The following NBPF26 variants were observed in gnomAD, a reference collection of about 807,000 sequenced individuals.
NBPF26 encodes the protein NBPF family member NBPF26.
A neutral mutation model predicts 119.6 loss-of-function variants in NBPF26; 79 were observed. The observed-to-expected ratio is 0.66, with a 90% CI of 0.55 to 0.80. NBPF26 has a LOEUF of 0.80. Among genes scored for constraint, NBPF26 ranks in the 30% least tolerant of loss-of-function variants. The pLI, the probability that NBPF26 is intolerant of heterozygous loss-of-function variation, is 0.00. For synonymous variants in NBPF26, 299 were observed against 457.7 expected (o/e 0.65, Z 4.43); for missense variants, 800 against 1,198.2 (o/e 0.67, Z 4.91).
intron 1 of NBPF26, among the ~76,000 whole-genome samples, chr1:120,752,550 ATATATTTTT>A (rs1281607915): frequency 4.1e-4 from 4 of 9,860 alleles, no homozygotes; most frequent in East Asian, 4.5e-3. Flanking sequence ...ATATATATAT[ATATATTTTT>A]TTTTTTTTTT....
intron 6 of NBPF26, among the ~76,000 whole-genome samples, chr1:120,808,143 A>G (rs1165276330): frequency 3.8e-5 from 4 of 104,798 alleles, no homozygotes; most frequent in African/African-American, 1.9e-4. Context: ...CATCTTTTCA[A>G]TTCGCCCCAT....
At position 120,793,321 on chromosome 1, in the gene NBPF26, C is replaced by A. The variant is rs1388479336; in HGVS notation, c.576C>A (p.Cys192Ter). The A allele has an allele frequency of 5.7e-6, 8 of 1,405,582 alleles. 1 individual carries two copies. Among genetic ancestry groups the A allele is most frequent in the Non-Finnish European group, 7.6e-6 (8 of 1,047,618 alleles). The allele number at this position is 1,405,582 out of a possible 1,614,324, so 87.1% of individuals were successfully genotyped here. A position where few individuals can be genotyped will look rare whatever the true frequency, so the allele number is the denominator to read the frequency against. ...ATGAGTGTGACATTCCAGGACACTG[C>A]CAGCATGGTGGCACCTGCCTCAACC... Residue 192 changes from cysteine to a stop codon, truncating the protein, a stop_gained, in exon 4 of 30, where the codon TGC (cysteine) becomes TGA (stop). Transcript: ENST00000620612. LOFTEE classifies it high-confidence loss of function.
At chr1:120,824,096 C>G in exon 18 of NBPF26, 1 of 465,632 alleles carries the variant, frequency 2.1e-6, no homozygotes. Context: ...TACAGAAGTG[C>G]CTTTTACGTA....
At position 120,811,311 on chromosome 1, in the gene NBPF26, C is replaced by A. The variant is rs1162039921; in HGVS notation, c.1565-575C>A. 1.8e-5 allele frequency among the ~76,000 whole-genome samples: 2 copies of A among 109,368 alleles called. 1 individual carries two copies. The highest frequency in any genetic ancestry group is 3.5e-5 in the Non-Finnish European group (2 of 56,736). 71.7% of individuals were successfully genotyped at this position (109,368 alleles called of 152,430 possible). A position where few individuals can be genotyped will look rare whatever the true frequency, so the allele number is the denominator to read the frequency against. ...TCTTAATCCCAACACTTTGGGAGGC[C>A]GAGGTGGGCGGAACACCTGAGCTCA... On this transcript the variant is annotated intron_variant, in intron 9 of 29. Coordinates refer to ENST00000620612, the Ensembl canonical transcript of NBPF26.
chr1:120,815,195 A>G (rs1553271608), intron 12 of NBPF26, 152 bp downstream of exon 12: 384,599 of 567,270 alleles, frequency 0.68, 168,461 homozygotes, highest in African/African-American at 0.89. Flanking sequence ...GGGTAAGAAC[A>G]GAGATGGGAA....
rs1650789613 is a variant in NBPF26, at chr1:120,724,282, G to T, written c.73+32G>T. On this transcript the variant is annotated intron_variant, in intron 1 of 29. Transcript: ENST00000620612. ...ATCGGGCTGAGGGGCGCTGTCCGCGGCGCCCGGGGCTGCCACCTGGGGCGA... is the reference window on the plus strand; with the variant it reads ...ATCGGGCTGAGGGGCGCTGTCCGCGTCGCCCGGGGCTGCCACCTGGGGCGA... 1.7e-5 allele frequency: 23 copies of T among 1,375,886 alleles called. 3 individuals are homozygous for T. The Middle Eastern group carries it at 1.2e-3, about 72-fold the overall frequency. The allele number at this position is 1,375,886 out of a possible 1,614,324, so 85.2% of individuals were successfully genotyped here. A position where few individuals can be genotyped will look rare whatever the true frequency, so the allele number is the denominator to read the frequency against.
rs2101528548 is a variant in NBPF26 at position 120,819,007 on chromosome 1, G to A, written c.2423+833G>A. Among the ~76,000 whole-genome samples, 2 of 113,568 alleles carry A rather than the reference G, an allele frequency of 1.8e-5. 1 individual carries two copies. The highest frequency in any genetic ancestry group is 3.5e-5 in the Non-Finnish European group (2 of 57,274). 74.5% of individuals were successfully genotyped at this position (113,568 alleles called of 152,430 possible). ...ATGTCTTTTAGGTCTGCTTGGTGGAGAGCTGAGTTCAAGTCCTGGATATCC... is the reference window on the plus strand; with the variant it reads ...ATGTCTTTTAGGTCTGCTTGGTGGAAAGCTGAGTTCAAGTCCTGGATATCC... On this transcript the variant is annotated intron_variant, in intron 15 of 29. Coordinates refer to ENST00000620612, the Ensembl canonical transcript of NBPF26.
chr1:120,823,815 C>G (rs1445208872), intron 17 of NBPF26, among the ~76,000 whole-genome samples, 159 bp from the exon 18 acceptor site: 3 of 108,394 alleles, frequency 2.8e-5, no homozygotes, highest in African/African-American at 1.1e-4. Context: ...CTACCTGGCC[C>G]TGTTCTATCC....
Position 120,793,393 on chromosome 1 carries a change from G to A in NBPF26, c.648G>A (p.Gln216=), listed in dbSNP as rs1482945541. The change falls in exon 4 of 30, where the codon CAG becomes CAA. Residue 216 remains glutamine (Q), a synonymous_variant. Coordinates refer to ENST00000620612, the Ensembl canonical transcript of NBPF26. ...AGTGCCTTCAGGGCTTCACAGGCCAGTACTGTGACAGACTGTATGTGCCCT... is the reference window on the plus strand; with the variant it reads ...AGTGCCTTCAGGGCTTCACAGGCCAATACTGTGACAGACTGTATGTGCCCT... 3.0e-5 allele frequency: 43 copies of A among 1,439,286 alleles called. 10 individuals carry two copies. The highest frequency in any genetic ancestry group is 7.8e-5 in the Admixed American group (4 of 51,206). The allele number at this position is 1,439,286 out of a possible 1,614,324, so 89.2% of individuals were successfully genotyped here.
chr1:120,789,983 T>C lies in NBPF26; in HGVS notation c.416-3178T>C, dbSNP rs1197030192. On this transcript the variant is annotated intron_variant, in intron 3 of 29. Transcript: ENST00000620612. ...CTTGTTGTTAAGAAGGATCTCTTCT[T>C]GGTGTGTTCTGCAAGATTCTGATCA... Among the ~76,000 whole-genome samples the C allele has an allele frequency of 6.9e-4, 60 of 87,064 alleles. 2 individuals are homozygous for C. Among genetic ancestry groups the C allele is most frequent in the Non-Finnish European group, 1.0e-3 (49 of 49,100 alleles). The allele number at this position is 87,064 out of a possible 152,430, so 57.1% of individuals were successfully genotyped here. A position where few individuals can be genotyped will look rare whatever the true frequency, so the allele number is the denominator to read the frequency against.
At chr1:120,762,461 C>G (rs1406477803) in intron 1 of NBPF26, among the ~76,000 whole-genome samples, 2 of 105,516 alleles carry the variant, frequency 1.9e-5, no homozygotes, top group Admixed American at 9.2e-5. Context: ...ATGGCCAGGC[C>G]TAGCGTCTCT....
exon 4 of NBPF26, chr1:120,793,237 C>A: frequency 6.9e-7 from 1 of 1,440,330 alleles, no homozygotes; most frequent in Non-Finnish European, 9.3e-7. Context: ...CTGTGGCCAA[C>A]CAGTTCTCCT....
Position 120,795,920 on chromosome 1 carries a change from ATG to A in NBPF26, c.751+2452_751+2453del, listed in dbSNP as rs1177600530. ...CAAATAGTACTTGTTACATATCAAT[ATG>A]TGTGTGTGTGTGTGTGTGTGTGTGT... is the stretch of plus-strand genomic sequence containing the variant. On this transcript the variant is annotated intron_variant, in intron 4 of 29. Transcript: ENST00000620612. Among the ~76,000 whole-genome samples, 98 of 19,538 alleles carry A rather than the reference ATG, an allele frequency of 5.0e-3. 12 individuals carry two copies. The highest frequency in any genetic ancestry group is 0.029 in the Middle Eastern group (2 of 68). The allele number at this position is 19,538 out of a possible 152,430, so 12.8% of individuals were successfully genotyped here.
chr1:120,806,462 G>A (rs1357218131), intron 5 of NBPF26, among the ~76,000 whole-genome samples: 6 of 116,568 alleles, frequency 5.1e-5, no homozygotes, highest in South Asian at 2.7e-4. Flanking sequence ...GCATCGTGGC[G>A]GGCAACTGTA....
In NBPF26 at chr1:120,818,763, G is replaced by A. The variant is rs1288378489; in HGVS notation, c.2423+589G>A. Among the ~76,000 whole-genome samples the A allele has an allele frequency of 1.7e-5, 2 of 120,438 alleles. 1 individual carries two copies. 79.0% of individuals were successfully genotyped at this position (120,438 alleles called of 152,430 possible). A position where few individuals can be genotyped will look rare whatever the true frequency, so the allele number is the denominator to read the frequency against. ...TTTCCCAGTAGTCATTCAGGAGCAG[G>A]TTGTTCAGTTTCCATGTAGTTGTGC... On this transcript the variant is annotated intron_variant, in intron 15 of 29. Coordinates refer to ENST00000620612, the Ensembl canonical transcript of NBPF26.
At chr1:120,724,200 T>C (rs1255465000) in exon 1 of NBPF26, 1 of 1,403,690 alleles carries the variant, frequency 7.1e-7, no homozygotes, top group African/African-American at 2.7e-5. Flanking sequence ...CGTCCCGCTC[T>C]GCTGTGGGCG....
Position 120,823,934 on chromosome 1 carries a change from T to C in NBPF26, c.2640-40T>C, listed in dbSNP as rs1421473116. 1.5e-5 allele frequency: 8 copies of C among 524,904 alleles called. 2 individuals carry two copies. The highest frequency in any genetic ancestry group is 2.6e-5 in the Admixed American group (1 of 37,922). 32.5% of individuals were successfully genotyped at this position (524,904 alleles called of 1,614,324 possible). A position where few individuals can be genotyped will look rare whatever the true frequency, so the allele number is the denominator to read the frequency against. Reference sequence around the variant, plus strand: ...CTAGCTGGGGCTGTGTGGTTTCTGATTCCCCCTGGCTTATTCTTTACTTTT... The same window carrying C: ...CTAGCTGGGGCTGTGTGGTTTCTGACTCCCCCTGGCTTATTCTTTACTTTT... On this transcript the variant is annotated intron_variant, in intron 17 of 29. Coordinates refer to ENST00000620612, the Ensembl canonical transcript of NBPF26.
intron 12 of NBPF26, among the ~76,000 whole-genome samples, chr1:120,815,696 C>T: frequency 1.4e-5 from 1 of 69,190 alleles, no homozygotes; most frequent in South Asian, 3.9e-4. Context: ...GACTGTGGGA[C>T]AAGTTTGTCT....
In NBPF26 at chr1:120,756,374, GA is replaced by G. The variant is rs1651080227; in HGVS notation, c.74-7249del. ...ACTTGAAATTTGCATAAACGTTGAA[GA>G]AAAAGTTAAAAGAGCCTGTATAACT... On this transcript the variant is annotated intron_variant, in intron 1 of 29. Coordinates refer to ENST00000620612, the Ensembl canonical transcript of NBPF26. 1.7e-5 allele frequency among the ~76,000 whole-genome samples: 2 copies of G among 117,960 alleles called. 1 individual carries two copies. The highest frequency in any genetic ancestry group is 1.6e-4 in the Admixed American group (2 of 12,276). 77.4% of individuals were successfully genotyped at this position (117,960 alleles called of 152,430 possible).
Sources: allele counts gnomAD v4.1 joint callset (sites outside exome capture counted in the v4.1 genomes callset), GRCh38; gene constraint gnomAD v4.1.1; transcripts MANE v1.5; gene names NCBI Gene and HGNC (gene_info 2026-07-23, HGNC 2026-07-21).